Variants in ZFHX3 observed in about 807,000 individuals in gnomAD.
ZFHX3 encodes the protein zinc finger homeobox 3.
Under a neutral mutation model 279.1 loss-of-function variants are expected in ZFHX3, and 42 were observed. The observed-to-expected ratio is 0.15, with a 90% CI of 0.12 to 0.19. The LOEUF is 0.19. Ranked by LOEUF, ZFHX3 falls within the 10% of genes least tolerant of loss-of-function variation. ZFHX3 has a pLI of 1.00. For synonymous variants in ZFHX3, 2,293 were observed against 1,957.8 expected (o/e 1.17, Z -4.52); for missense variants, 4,981 against 4,754.0 (o/e 1.05, Z -1.40).
chr16:73,334,810 C>CTT (rs368597124), intron 3 of ZFHX3, among the ~76,000 whole-genome samples: 12,328 of 57,918 alleles, frequency 0.21, 3,854 homozygotes, highest in Non-Finnish European at 0.35. Flanking sequence ...CTTTCTCATT[C>CTT]TTTTTTTTTT....
intron 2 of ZFHX3, among the ~76,000 whole-genome samples, chr16:73,635,511 T>C (rs1046467449): frequency 1.3e-5 from 2 of 152,216 alleles, no homozygotes; most frequent in South Asian, 2.1e-4. Flanking sequence ...AGGCTTGTAA[T>C]AGGTTTGTAA....
At chr16:72,952,343 C>T (rs934121865) in intron 2 of ZFHX3, among the ~76,000 whole-genome samples, 2 of 152,218 alleles carry the variant, frequency 1.3e-5, no homozygotes, top group African/African-American at 4.8e-5. Flanking sequence ...CCAACCCTCC[C>T]ATGTCTTCTC....
intron 2 of ZFHX3, among the ~76,000 whole-genome samples, chr16:73,476,970 C>G (rs2018775951): frequency 6.6e-6 from 1 of 152,126 alleles, no homozygotes; most frequent in East Asian, 1.9e-4. Flanking sequence ...AAACAGATAG[C>G]CTTTAAACTG....
At chr16:73,843,881 C>G (rs903736707) in intron 1 of ZFHX3, among the ~76,000 whole-genome samples, 2 of 152,200 alleles carry the variant, frequency 1.3e-5, no homozygotes, top group Non-Finnish European at 1.5e-5. Context: ...GGCTGTGTTT[C>G]AATAAAACTT....
At chr16:73,873,281 T>A (rs974655957) in intron 1 of ZFHX3, among the ~76,000 whole-genome samples, 1 of 17,312 alleles carries the variant, frequency 5.8e-5, no homozygotes, top group Non-Finnish European at 1.0e-4. Context: ...TGGTGGGTGG[T>A]GGGTGGTGGT....
At chr16:72,886,156 G>A (rs927422649) in intron 4 of ZFHX3, among the ~76,000 whole-genome samples, 3 of 152,120 alleles carry the variant, frequency 2.0e-5, no homozygotes, top group South Asian at 2.1e-4. Flanking sequence ...TTCCTAAAAC[G>A]GAACCAAGTT....
intron 4 of ZFHX3, among the ~76,000 whole-genome samples, chr16:72,850,045 G>T (rs77424051): frequency 6.6e-6 from 1 of 152,160 alleles, no homozygotes; most frequent in South Asian, 2.1e-4. Context: ...AAGAGGATTA[G>T]AGAAATCAGA....
At chr16:73,278,059 T>A (rs1803044852) in intron 4 of ZFHX3, among the ~76,000 whole-genome samples, 1 of 152,192 alleles carries the variant, frequency 6.6e-6, no homozygotes, top group Non-Finnish European at 1.5e-5. Flanking sequence ...CAATTTGACA[T>A]GAAATTCAGT....
At chr16:72,900,760 G>T (rs953745823) in intron 3 of ZFHX3, among the ~76,000 whole-genome samples, 29 of 152,186 alleles carry the variant, frequency 1.9e-4, no homozygotes, top group African/African-American at 6.0e-4. Context: ...TGAGCCCCAA[G>T]AATCTGCATT....
At chr16:73,662,789 A>C (rs979742065) in intron 2 of ZFHX3, among the ~76,000 whole-genome samples, 1 of 152,176 alleles carries the variant, frequency 6.6e-6, no homozygotes, top group South Asian at 2.1e-4. Flanking sequence ...AATTTTATAG[A>C]CCCTCATTTC....
At chr16:73,362,136 C>T (rs1051689797) in intron 3 of ZFHX3, among the ~76,000 whole-genome samples, 1 of 134,304 alleles carries the variant, frequency 7.4e-6, no homozygotes, top group African/African-American at 3.1e-5. Flanking sequence ...TCCTTGCCTT[C>T]CTTGCCAACC....
At chr16:73,481,041 A>G (rs183832502) in intron 2 of ZFHX3, among the ~76,000 whole-genome samples, 5 of 152,130 alleles carry the variant, frequency 3.3e-5, no homozygotes, top group African/African-American at 1.2e-4. Flanking sequence ...ACAAAGTCCT[A>G]AATCCCGGGC....
chr16:73,185,946 C>T (rs1967898512), intron 5 of ZFHX3, among the ~76,000 whole-genome samples: 1 of 152,140 alleles, frequency 6.6e-6, no homozygotes, highest in Admixed American at 6.5e-5. Flanking sequence ...CACCTTAGCT[C>T]TGCCTCCCGT....
rs1485359866 is a variant in ZFHX3, at chr16:72,794,177, A to G, written c.8505T>C (p.Cys2835=). 6.2e-7 allele frequency: 1 copy of G among 1,614,176 alleles called. No homozygotes were observed. Among genetic ancestry groups the G allele is most frequent in the African/African-American group, 1.3e-5 (1 of 75,038 alleles). ...CTGTGATTGCTGTGTTGACAGAGGAACAGTCATCGTTGTCCAGCTTAGTTT... is the reference window on the plus strand; with the variant it reads ...CTGTGATTGCTGTGTTGACAGAGGAGCAGTCATCGTTGTCCAGCTTAGTTT... ...FDQTKLDNDD[C]SSVNTAITDT... is the part of the protein sequence containing the mutation. The change falls in exon 9 of 10, where the codon TGT becomes TGC. Residue 2835 remains cysteine, a synonymous_variant. Coordinates refer to ENST00000268489, the MANE Select transcript of ZFHX3 (RefSeq NM_006885.4). This position sits in a 1 kb window ranked among gnomAD's most constrained non-coding sequence, Gnocchi z 4.2.
chr16:73,327,029 A>G (rs767316824), intron 3 of ZFHX3, among the ~76,000 whole-genome samples: 3 of 152,238 alleles, frequency 2.0e-5, no homozygotes, highest in Non-Finnish European at 2.9e-5. Flanking sequence ...CCGTATCTCA[A>G]AAGGCTCTTT....
At chr16:72,908,779 GCAT>G (rs1395204294) in intron 3 of ZFHX3, among the ~76,000 whole-genome samples, 6 of 152,282 alleles carry the variant, frequency 3.9e-5, no homozygotes, top group African/African-American at 1.4e-4. Context: ...CTACTTCAAG[GCAT>G]CATCATGAGG....
intron 3 of ZFHX3, among the ~76,000 whole-genome samples, chr16:72,940,123 G>A (rs1411781115): frequency 6.6e-6 from 1 of 151,908 alleles, no homozygotes; most frequent in Non-Finnish European, 1.5e-5. Flanking sequence ...TGTTGCCCAG[G>A]CTGGTCTTGA....
chr16:73,206,886 C>T lies in ZFHX3; in HGVS notation c.-1104+50161G>A, dbSNP rs1046995538. 7.9e-5 allele frequency among the ~76,000 whole-genome samples: 12 copies of T among 151,888 alleles called. No individual in the cohort carries two copies. The East Asian group carries it at 2.1e-3, about 27-fold the overall frequency. On this transcript the variant is annotated intron_variant, in intron 5 of 17. Transcript: ENST00000641206. ...TATTAAAATTATCCGGGTGTGATGGCGGGTACCTGTAGTTGCAGCTACTTG... is the reference window on the plus strand; with the variant it reads ...TATTAAAATTATCCGGGTGTGATGGTGGGTACCTGTAGTTGCAGCTACTTG...
chr16:73,295,030 G>A (rs990191223), intron 4 of ZFHX3, among the ~76,000 whole-genome samples: 3 of 152,022 alleles, frequency 2.0e-5, no homozygotes, highest in Non-Finnish European at 4.4e-5. Context: ...TGGCTAACAA[G>A]GTGAAACCAA....
Sources: gnomAD v4.1 joint callset for allele counts (sites outside exome capture counted in the v4.1 genomes callset) on GRCh38, gnomAD v4.1.1 for gene constraint, Gnocchi (gnomAD v3.1) non-coding constraint, MANE v1.5 for transcripts, NCBI Gene and HGNC (gene_info 2026-07-23, HGNC 2026-07-21) for gene names.